The following ROCK2 variants were observed in gnomAD, a reference collection of about 807,000 sequenced individuals.
The protein encoded by ROCK2 is Rho associated coiled-coil containing protein kinase 2, also known as rho-associated protein kinase 2.
In ROCK2, 61 loss-of-function variants were observed where a neutral mutation model predicts 195.1. The ratio of observed to expected loss-of-function variants is 0.31; its 90% CI spans 0.25 to 0.39. The LOEUF (loss-of-function observed/expected upper bound fraction) is 0.39. Ranked by LOEUF, ROCK2 falls within the 10% of genes least tolerant of loss-of-function variation. The pLI is 1.00. For missense variants in ROCK2, 1,109 were observed against 1,637.4 expected, an observed-to-expected ratio of 0.68 and a Z score of 5.57; for synonymous variants, 504 against 545.5, an observed-to-expected ratio of 0.92 and a Z score of 1.06.
chr2:11,190,513 C>CT (rs777859349), intron 32 of ROCK2, among the ~76,000 whole-genome samples: 20 of 152,104 alleles, frequency 1.3e-4, no homozygotes, highest in Non-Finnish European at 2.2e-4. Flanking sequence ...GCCTCATAAA[C>CT]TAATTCCATA....
At chr2:11,303,501 C>T (rs1182889095) in intron 1 of ROCK2, among the ~76,000 whole-genome samples, 1 of 152,152 alleles carries the variant, frequency 6.6e-6, no homozygotes. Flanking sequence ...TTCCCTCTTG[C>T]TCATTAACAC....
chr2:11,332,661 G>A (rs1420428295), intron 1 of ROCK2, among the ~76,000 whole-genome samples: 2 of 152,108 alleles, frequency 1.3e-5, no homozygotes, highest in African/African-American at 4.8e-5. Flanking sequence ...TAAAATGGTA[G>A]GGCTACTTCA....
chr2:11,294,681 A>C (rs1048095713), intron 1 of ROCK2, among the ~76,000 whole-genome samples: 3 of 152,202 alleles, frequency 2.0e-5, no homozygotes, highest in African/African-American at 7.2e-5. Flanking sequence ...TGCATTCATA[A>C]TGTAATACAT....
chr2:11,219,329 A>C (rs1459573836), intron 9 of ROCK2, among the ~76,000 whole-genome samples: 2 of 102,676 alleles, frequency 1.9e-5, no homozygotes, highest in African/African-American at 3.4e-5. Context: ...GTGAAACCTT[A>C]TCTCTACAAA....
At chr2:11,341,584 T>C (rs1159969568) in intron 1 of ROCK2, among the ~76,000 whole-genome samples, 2 of 152,202 alleles carry the variant, frequency 1.3e-5, no homozygotes, top group Admixed American at 6.5e-5. Flanking sequence ...TCTTCTTTTG[T>C]CATCTTAGGT....
In ROCK2 at chr2:11,201,992, A is replaced by G; in HGVS notation, c.2619+60T>C. 1.0e-5 allele frequency: 13 copies of G among 1,304,892 alleles called. No homozygotes were observed. The highest frequency in any genetic ancestry group is 1.4e-5 in the Non-Finnish European group (13 of 899,694). The allele number at this position is 1,304,892 out of a possible 1,614,324, so 80.8% of individuals were successfully genotyped here. A position where few individuals can be genotyped will look rare whatever the true frequency, so the allele number is the denominator to read the frequency against. ...TTTTTATATGAGTTGTATGGTATAAATAAAATATCCCAACCAAAACTCTGT... is the reference window on the plus strand; with the variant it reads ...TTTTTATATGAGTTGTATGGTATAAGTAAAATATCCCAACCAAAACTCTGT... On this transcript the variant is annotated intron_variant, in intron 21 of 32. Coordinates refer to ENST00000315872, the MANE Select transcript of ROCK2 (RefSeq NM_004850.5). This position sits in a 1 kb window ranked among gnomAD's most constrained non-coding sequence, Gnocchi z 4.6.
intron 1 of ROCK2, among the ~76,000 whole-genome samples, chr2:11,293,954 C>A (rs890901525): frequency 6.6e-6 from 1 of 152,178 alleles, no homozygotes; most frequent in African/African-American, 2.4e-5. Context: ...GTCAGGAGAT[C>A]GAGACCATCC....
At chr2:11,237,334 C>T (rs921856158) in intron 4 of ROCK2, among the ~76,000 whole-genome samples, 1 of 152,130 alleles carries the variant, frequency 6.6e-6, no homozygotes, top group Non-Finnish European at 1.5e-5. Flanking sequence ...TCTCTGAACA[C>T]ACTGAAGGAG....
intron 9 of ROCK2, among the ~76,000 whole-genome samples, chr2:11,220,594 CAT>C (rs1664603644): frequency 6.6e-6 from 1 of 152,218 alleles, no homozygotes; most frequent in African/African-American, 2.4e-5. Context: ...ACTGTAATGA[CAT>C]AGTAGCACCT....
chr2:11,224,564 G>T (rs1664748777), intron 6 of ROCK2, 104 bp from the exon 7 acceptor site: 1 of 1,001,188 alleles, frequency 1.0e-6, no homozygotes, highest in Non-Finnish European at 1.5e-6. Context: ...CACATGCAGG[G>T]AAGAACAAAT....
rs948862771 is a variant in ROCK2, at chr2:11,235,994, A to T, written c.463-32T>A. ...AACAAAAGGAAAAGGAAAAATTTTT[A>T]AAAACCCAAACCAAAAATCATAATC... On this transcript the variant is annotated intron_variant, in intron 4 of 32. Coordinates refer to ENST00000315872, the MANE Select transcript of ROCK2 (RefSeq NM_004850.5). The surrounding 1 kb of genome is among the most constrained non-coding windows in gnomAD (Gnocchi z 4.2). The T allele has an allele frequency of 4.8e-6, 7 of 1,457,294 alleles. No individual in the cohort carries two copies. Among genetic ancestry groups the T allele is most frequent in the South Asian group, 3.3e-5 (2 of 59,974 alleles). 90.3% of individuals were successfully genotyped at this position (1,457,294 alleles called of 1,614,324 possible).
intron 3 of ROCK2, among the ~76,000 whole-genome samples, chr2:11,258,540 A>C (rs1243234297): frequency 6.6e-6 from 1 of 151,440 alleles, no homozygotes; most frequent in Non-Finnish European, 1.5e-5. Context: ...GAATAAGCAC[A>C]AAAGTGTAGA....
intron 1 of ROCK2, among the ~76,000 whole-genome samples, chr2:11,328,177 A>G (rs1263089854): frequency 6.6e-6 from 1 of 152,216 alleles, no homozygotes; most frequent in Admixed American, 6.5e-5. Context: ...TTAGATTGTA[A>G]AGATCCATCC....
At position 11,240,778 on chromosome 2, in the gene ROCK2, T is replaced by C. The variant is rs527275839; in HGVS notation, c.463-4816A>G. 2.5e-4 allele frequency among the ~76,000 whole-genome samples: 38 copies of C among 152,362 alleles called. 1 individual carries two copies. In the South Asian group the frequency reaches 7.7e-3, roughly 31 times the overall value. On this transcript the variant is annotated intron_variant, in intron 4 of 32. Coordinates refer to ENST00000315872, the MANE Select transcript of ROCK2 (RefSeq NM_004850.5). ...TTTATGCTATGCAAATTATACCTCA[T>C]AAAGTTCTATTATAAAGTTGTCTTA...
chr2:11,222,080 T>C lies in ROCK2; in HGVS notation c.1099+3A>G. ...ATGAAAATATTTAGGTTTATTGACT[T>C]ACTTTCTCTTATGTTATCCCAATGC... On this transcript the variant is annotated splice_donor_region_variant and intron_variant, in intron 8 of 32. Coordinates refer to ENST00000315872, the MANE Select transcript of ROCK2 (RefSeq NM_004850.5). 2 of 1,555,610 alleles carry C rather than the reference T, an allele frequency of 1.3e-6. No homozygotes were observed. Among genetic ancestry groups the C allele is most frequent in the Non-Finnish European group, 1.8e-6 (2 of 1,128,156 alleles).
chr2:11,225,707 C>T (rs1264535441), intron 6 of ROCK2, among the ~76,000 whole-genome samples: 1 of 152,014 alleles, frequency 6.6e-6, no homozygotes, highest in Non-Finnish European at 1.5e-5. Context: ...TTGTAAATCC[C>T]TAGGAAAGCG....
At chr2:11,333,710 T>A (rs568463400) in intron 1 of ROCK2, among the ~76,000 whole-genome samples, 2 of 152,184 alleles carry the variant, frequency 1.3e-5, no homozygotes, top group Non-Finnish European at 2.9e-5. Flanking sequence ...AAATATTGCC[T>A]TACTATTAAT....
In ROCK2 at chr2:11,201,775, A is replaced by T. The variant is rs1391154631; in HGVS notation, c.2619+277T>A. Among the ~76,000 whole-genome samples the T allele has an allele frequency of 2.0e-5, 3 of 152,218 alleles. No individual in the cohort carries two copies. The highest frequency in any genetic ancestry group is 1.9e-4 in the East Asian group (1 of 5,204). ...TTTCTACTTCATATTTTTAAAACTG[A>T]TCTCAAAAAAAGCACAACTATTAAA... On this transcript the variant is annotated intron_variant, in intron 21 of 32. Transcript: ENST00000315872. This position sits in a 1 kb window ranked among gnomAD's most constrained non-coding sequence, Gnocchi z 4.6.
intron 1 of ROCK2, among the ~76,000 whole-genome samples, chr2:11,337,418 G>A (rs1298358403): frequency 6.6e-6 from 1 of 152,182 alleles, no homozygotes; most frequent in Non-Finnish European, 1.5e-5. Context: ...ATGGAGGTAT[G>A]TTGCTTCAAA....
Sources: gnomAD v4.1 joint callset for allele counts (sites outside exome capture counted in the v4.1 genomes callset) on GRCh38, gnomAD v4.1.1 for gene constraint, Gnocchi (gnomAD v3.1) non-coding constraint, MANE v1.5 for transcripts, NCBI Gene and HGNC (gene_info 2026-07-23, HGNC 2026-07-21) for gene names.